FAM178B: variants seen among roughly 807,000 people sequenced by gnomAD.
FAM178B encodes the protein family with sequence similarity 178 member B, also known as protein FAM178B.
FAM178B carries 82 observed loss-of-function variants against 91.7 expected under a neutral mutation model. The ratio of observed to expected loss-of-function variants is 0.89; its 90% CI spans 0.75 to 1.07. The LOEUF is 1.07. Among genes scored for constraint, FAM178B ranks in the 50% least tolerant of loss-of-function variants. The pLI is 0.00. For missense variants in FAM178B, 769 were observed against 846.7 expected, an observed-to-expected ratio of 0.91 and a Z score of 1.14; for synonymous variants, 368 against 359.4, an observed-to-expected ratio of 1.02 and a Z score of -0.27.
At chr2:96,893,790 T>C (rs944609133) in intron 14 of FAM178B, 136 bp downstream of exon 14, 200 of 1,096,026 alleles carry the variant, frequency 1.8e-4, no homozygotes, top group Non-Finnish European at 4.8e-5. Context: ...AGGCAGCCTG[T>C]TGGTCTCTGC....
chr2:96,885,399 CG>C (rs958066201), intron 14 of FAM178B, among the ~76,000 whole-genome samples: 5 of 152,336 alleles, frequency 3.3e-5, no homozygotes, highest in South Asian at 2.1e-4. Flanking sequence ...CCCTTCACAG[CG>C]GGGATCTCTT....
intron 1 of FAM178B, 92 bp from the exon 2 acceptor site, chr2:96,972,698 C>G: frequency 8.0e-7 from 1 of 1,244,076 alleles, no homozygotes; most frequent in South Asian, 1.3e-5. Flanking sequence ...GGCCTGGGCC[C>G]ACTGTGCCCA....
At chr2:96,929,676 G>A (rs2081507712) in intron 8 of FAM178B, among the ~76,000 whole-genome samples, 1 of 152,232 alleles carries the variant, frequency 6.6e-6, no homozygotes, top group Non-Finnish European at 1.5e-5. Context: ...CGAGCTACAA[G>A]GCTCACTGGA....
intron 14 of FAM178B, among the ~76,000 whole-genome samples, chr2:96,890,944 A>G (rs1408445658): frequency 6.6e-6 from 1 of 152,232 alleles, no homozygotes; most frequent in African/African-American, 2.4e-5. Context: ...CCAGGCATGC[A>G]CAGGGCCATA....
At chr2:96,909,171 A>AAAAG (rs898338918) in intron 12 of FAM178B, among the ~76,000 whole-genome samples, 1 of 151,938 alleles carries the variant, frequency 6.6e-6, no homozygotes, top group African/African-American at 2.4e-5. Context: ...GAAAAAAGAA[A>AAAAG]AAAGAAAACA....
At chr2:96,934,149 T>G (rs72811676) in intron 8 of FAM178B, among the ~76,000 whole-genome samples, 3,138 of 152,336 alleles carry the variant, frequency 0.021, 55 homozygotes, top group Non-Finnish European at 0.029. Flanking sequence ...GCTCTCGGGT[T>G]GTTGGTGTTG....
At chr2:96,882,540 T>C (rs1204615225) in intron 14 of FAM178B, among the ~76,000 whole-genome samples, 1 of 152,188 alleles carries the variant, frequency 6.6e-6, no homozygotes, top group Non-Finnish European at 1.5e-5. Context: ...GCAAGCCTGC[T>C]CCTGTCCTGG....
chr2:96,918,893 C>T (rs549066095), intron 12 of FAM178B, among the ~76,000 whole-genome samples: 78 of 152,324 alleles, frequency 5.1e-4, no homozygotes, highest in African/African-American at 1.8e-3. Flanking sequence ...AAAACCCTGT[C>T]CTGTTCTGTT....
chr2:96,902,751 G>A (rs750778928), intron 12 of FAM178B, 44 bp from the exon 13 acceptor site: 56 of 1,456,886 alleles, frequency 3.8e-5, no homozygotes, highest in South Asian at 1.2e-4. Context: ...GCTGGAAGTC[G>A]GGGAGCCCGA....
chr2:96,967,309 G>A (rs1400458794), intron 5 of FAM178B, among the ~76,000 whole-genome samples: 2 of 152,214 alleles, frequency 1.3e-5, no homozygotes, highest in Non-Finnish European at 2.9e-5. Flanking sequence ...GTGTGGCAAA[G>A]GCTCAAATGA....
In FAM178B at chr2:96,947,858, A is replaced by G; in HGVS notation, c.1038T>C (p.Leu346=). 6.5e-7 allele frequency: 1 copy of G among 1,549,690 alleles called. No individual in the cohort carries two copies. Among genetic ancestry groups the G allele is most frequent in the Non-Finnish European group, 8.7e-7 (1 of 1,145,208 alleles). ...TTCCATCCACAATGAGATCCCACAG[A>G]AGACCAAAGGCTCCCAAAGATGTTT... The part of the protein sequence containing the change: ...PPETSLGAFG[L]LWDLIVDGIF... The change falls in exon 8 of 17, where the codon CTT becomes CTC. Residue 346 remains leucine (L), a synonymous_variant. Transcript: ENST00000490605.
intron 14 of FAM178B, among the ~76,000 whole-genome samples, chr2:96,889,645 T>G (rs1247232435): frequency 1.3e-5 from 2 of 150,382 alleles, no homozygotes. Context: ...GCCATTGCAC[T>G]CCAGCCTGGG....
At chr2:96,922,532 T>C (rs1050673912) in intron 10 of FAM178B, among the ~76,000 whole-genome samples, 2 of 152,208 alleles carry the variant, frequency 1.3e-5, no homozygotes, top group African/African-American at 2.4e-5. Flanking sequence ...GTATGTTTAG[T>C]AGAGACGGGG....
At chr2:96,943,692 C>T (rs1008640126) in intron 8 of FAM178B, among the ~76,000 whole-genome samples, 1 of 152,152 alleles carries the variant, frequency 6.6e-6, no homozygotes, top group African/African-American at 2.4e-5. Flanking sequence ...TGCAATGGCC[C>T]CCACTATCCT....
At chr2:96,958,729 A>AAAAAAAAAAAAAAAAAAT (rs2082038281) in intron 6 of FAM178B, among the ~76,000 whole-genome samples, 1 of 126,860 alleles carries the variant, frequency 7.9e-6, no homozygotes, top group East Asian at 2.3e-4. Flanking sequence ...AAAAAAAAAA[A>AAAAAAAAAAAAAAAAAAT]AAAAAAAAAA....
chr2:96,986,557 C>T lies in FAM178B; in HGVS notation c.-244G>A. The T allele has an allele frequency of 2.0e-6, 1 of 511,390 alleles. No individual in the cohort carries two copies. The allele number at this position is 511,390 out of a possible 1,614,324, so 31.7% of individuals were successfully genotyped here. On this transcript the variant is annotated 5_prime_UTR_variant, in exon 1 of 17. Transcript: ENST00000490605. Reference sequence around the variant, plus strand: ...AGCTCACAGCCGCCGCCGCCGCCAGCTGGGGAGCTCGCCGGCCAAGTGCGC... The same window carrying T: ...AGCTCACAGCCGCCGCCGCCGCCAGTTGGGGAGCTCGCCGGCCAAGTGCGC...
intron 12 of FAM178B, among the ~76,000 whole-genome samples, chr2:96,907,578 TC>T (rs967400838): frequency 6.6e-6 from 1 of 152,092 alleles, no homozygotes; most frequent in Middle Eastern, 3.2e-3. Flanking sequence ...CTCCGCCCTG[TC>T]CCCCTCCACC....
At chr2:96,986,036 C>T (rs2153376785) in intron 1 of FAM178B, among the ~76,000 whole-genome samples, 1 of 152,362 alleles carries the variant, frequency 6.6e-6, no homozygotes, top group Middle Eastern at 3.4e-3. Flanking sequence ...GCCGGCCGCG[C>T]AGTGGCCTGT....
chr2:96,934,695 T>C (rs1371694113), intron 8 of FAM178B, among the ~76,000 whole-genome samples: 1 of 152,228 alleles, frequency 6.6e-6, no homozygotes, highest in Non-Finnish European at 1.5e-5. Flanking sequence ...CACTGCGAAA[T>C]GCTGACCGCT....
Sources: gnomAD v4.1 joint callset for allele counts (sites outside exome capture counted in the v4.1 genomes callset) on GRCh38, gnomAD v4.1.1 for gene constraint, MANE v1.5 for transcripts, NCBI Gene and HGNC (gene_info 2026-07-23, HGNC 2026-07-21) for gene names.